Variants in SLC2A9 observed in about 807,000 individuals in gnomAD.
SLC2A9 encodes the protein solute carrier family 2, facilitated glucose transporter member 9.
A neutral mutation model predicts 50.6 loss-of-function variants in SLC2A9; 39 were observed. The observed-to-expected ratio is 0.77, with a 90% CI of 0.60 to 1.01. The LOEUF is 1.01. SLC2A9 is among the 50% of genes least tolerant of loss of function. The pLI, the probability that SLC2A9 is intolerant of heterozygous loss-of-function variation, is 0.00. For missense variants in SLC2A9, 686 were observed against 677.6 expected, an observed-to-expected ratio of 1.01 and a Z score of -0.14; for synonymous variants, 324 against 276.9, an observed-to-expected ratio of 1.17 and a Z score of -1.69.
At chr4:9,959,906 G>T (rs1316894277) in intron 5 of SLC2A9, among the ~76,000 whole-genome samples, 1 of 152,132 alleles carries the variant, frequency 6.6e-6, no homozygotes, top group Non-Finnish European at 1.5e-5. Context: ...TCACATTCAG[G>T]GTCCGACTTG....
intron 5 of SLC2A9, among the ~76,000 whole-genome samples, chr4:9,954,148 G>C (rs1271910069): frequency 6.6e-6 from 1 of 152,084 alleles, no homozygotes; most frequent in Non-Finnish European, 1.5e-5. Flanking sequence ...ATGTTGCCCA[G>C]GCCGGTCTCA....
intron 5 of SLC2A9, among the ~76,000 whole-genome samples, chr4:9,954,397 C>A (rs2108869919): frequency 6.6e-6 from 1 of 152,360 alleles, no homozygotes; most frequent in African/African-American, 2.4e-5. Context: ...AACCCTTGCT[C>A]CCCACTCCTC....
At chr4:10,002,415 G>A (rs780302867) in intron 2 of SLC2A9, among the ~76,000 whole-genome samples, 4 of 152,198 alleles carry the variant, frequency 2.6e-5, no homozygotes, top group Non-Finnish European at 4.4e-5. Context: ...CCACAGTCAC[G>A]GCTTATATGC....
At chr4:9,777,881 T>C (rs565896634), downstream of SLC2A9, among the ~76,000 whole-genome samples, 2 of 152,320 alleles carry the variant, frequency 1.3e-5, no homozygotes, top group South Asian at 2.1e-4. Context: ...GGAGAACTGA[T>C]TGAGCTGGCT....
intron 7 of SLC2A9, among the ~76,000 whole-genome samples, chr4:9,913,302 T>C (rs1742186993): frequency 1.0e-5 from 1 of 99,010 alleles, no homozygotes; most frequent in Non-Finnish European, 2.0e-5. Flanking sequence ...TTCCTGTGTG[T>C]TTGTGTGTGT....
At chr4:9,964,009 C>G (rs6840802) in intron 5 of SLC2A9, among the ~76,000 whole-genome samples, 72,764 of 151,940 alleles carry the variant, frequency 0.48, 18,804 homozygotes, top group African/African-American at 0.67. Context: ...GATAAAGAGC[C>G]TGGAGCCAGG....
upstream of SLC2A9, among the ~76,000 whole-genome samples, chr4:10,025,088 T>C (rs905541508): frequency 1.3e-5 from 2 of 152,214 alleles, no homozygotes; most frequent in African/African-American, 2.4e-5. Flanking sequence ...GCTTGCCAAT[T>C]TCACACCTTC....
chr4:9,942,358 C>G (rs1290113973), intron 5 of SLC2A9, among the ~76,000 whole-genome samples: 1 of 152,196 alleles, frequency 6.6e-6, no homozygotes, highest in Non-Finnish European at 1.5e-5. Flanking sequence ...CCCTGGGGAA[C>G]CATGGTGAGC....
intron 10 of SLC2A9, among the ~76,000 whole-genome samples, chr4:9,865,893 G>C (rs1288625951): frequency 6.6e-6 from 1 of 152,188 alleles, no homozygotes; most frequent in East Asian, 1.9e-4. Flanking sequence ...TCTGGCCCCG[G>C]GGCCCATGAT....
At chr4:9,809,777 C>T (rs552103703) in intron 3 of SLC2A9, among the ~76,000 whole-genome samples, 1 of 152,152 alleles carries the variant, frequency 6.6e-6, no homozygotes, top group East Asian at 1.9e-4. Context: ...ACGGATATTG[C>T]TATTACTATC....
At chr4:9,813,067 G>A (rs1221258535) in intron 3 of SLC2A9, among the ~76,000 whole-genome samples, 5 of 152,178 alleles carry the variant, frequency 3.3e-5, no homozygotes, top group Non-Finnish European at 7.3e-5. Flanking sequence ...AAAATGAGAA[G>A]GCTGATTATA....
At chr4:9,952,849 G>A (rs1223765513) in intron 5 of SLC2A9, among the ~76,000 whole-genome samples, 2 of 152,202 alleles carry the variant, frequency 1.3e-5, no homozygotes, top group South Asian at 2.1e-4. Context: ...CAAATACAAT[G>A]TTTGATAAAT....
chr4:9,877,157 G>T (rs1734438042), intron 10 of SLC2A9, among the ~76,000 whole-genome samples: 1 of 152,184 alleles, frequency 6.6e-6, no homozygotes. Flanking sequence ...CTAAAGTGCT[G>T]GGATACTTAA....
At chr4:9,774,064 G>A (rs1050324301) in intron 1 of SLC2A9, among the ~76,000 whole-genome samples, 3 of 146,224 alleles carry the variant, frequency 2.1e-5, no homozygotes, top group Admixed American at 7.1e-5. Context: ...GTGCGATCTC[G>A]CCTCACTGGA....
intron 7 of SLC2A9, among the ~76,000 whole-genome samples, chr4:9,916,181 C>T (rs1352610897): frequency 1.3e-5 from 2 of 152,160 alleles, no homozygotes; most frequent in African/African-American, 4.8e-5. Context: ...CCTAGAAGAC[C>T]TCTTAGTCTA....
chr4:9,840,829 T>A (rs930210153), intron 10 of SLC2A9, among the ~76,000 whole-genome samples: 1 of 152,062 alleles, frequency 6.6e-6, no homozygotes, highest in South Asian at 2.1e-4. Flanking sequence ...TGACTCAGAG[T>A]TCCAAATGGC....
chr4:9,838,894 G>A (rs6449046), intron 10 of SLC2A9, among the ~76,000 whole-genome samples: 59,585 of 151,904 alleles, frequency 0.39, 12,585 homozygotes, highest in African/African-American at 0.57. Flanking sequence ...CAAAACTATA[G>A]AAACCCTGGA....
At chr4:9,953,178 C>A (rs985909343) in intron 5 of SLC2A9, among the ~76,000 whole-genome samples, 2 of 152,122 alleles carry the variant, frequency 1.3e-5, no homozygotes, top group Non-Finnish European at 2.9e-5. Flanking sequence ...CAAAGTGGGG[C>A]AAGCTTAGCT....
chr4:10,038,894 T>C (rs946740294), intron 1 of SLC2A9, among the ~76,000 whole-genome samples: 1 of 152,142 alleles, frequency 6.6e-6, no homozygotes, highest in African/African-American at 2.4e-5. Context: ...TAGAGCAGGA[T>C]CAACATTTTT....
Sources: allele counts gnomAD v4.1 joint callset (sites outside exome capture counted in the v4.1 genomes callset), GRCh38; gene constraint gnomAD v4.1.1; transcripts MANE v1.5; gene names NCBI Gene and HGNC (gene_info 2026-07-23, HGNC 2026-07-21).